SPOCK3: variants seen among roughly 807,000 people sequenced by gnomAD.
SPOCK3 encodes testican-3.
A neutral mutation model predicts 56.6 loss-of-function variants in SPOCK3; 30 were observed. That is an observed-to-expected ratio of 0.53 (90% confidence interval 0.40 to 0.72). The LOEUF is 0.72. Among genes scored for constraint, SPOCK3 ranks in the 30% least tolerant of loss-of-function variants. SPOCK3 has a pLI of 0.00. For missense variants in SPOCK3, 527 were observed against 530.0 expected (o/e 0.99, Z 0.06); for synonymous variants, 196 against 183.3 (o/e 1.07, Z -0.56).
chr4:166,824,218 A>G (rs2126771073), intron 6 of SPOCK3, among the ~76,000 whole-genome samples: 1 of 152,050 alleles, frequency 6.6e-6, no homozygotes, highest in African/African-American at 2.4e-5. Context: ...TTTGTTACTA[A>G]CTCTAGTGAC....
chr4:167,048,084 A>G (rs961639052), intron 3 of SPOCK3, among the ~76,000 whole-genome samples: 17 of 152,274 alleles, frequency 1.1e-4, no homozygotes, highest in African/African-American at 3.1e-4. Context: ...TGAGTTCCAT[A>G]TATGGTTTCC....
At chr4:166,803,365 T>G (rs555137273) in intron 6 of SPOCK3, among the ~76,000 whole-genome samples, 25 of 152,258 alleles carry the variant, frequency 1.6e-4, no homozygotes, top group Non-Finnish European at 3.4e-4. Context: ...TGTTCAGACA[T>G]TAGAGAGTAC....
chr4:166,953,552 A>G (rs1172063130), intron 4 of SPOCK3, among the ~76,000 whole-genome samples: 1 of 152,072 alleles, frequency 6.6e-6, no homozygotes, highest in East Asian at 1.9e-4. Flanking sequence ...CTAGAACTAG[A>G]AATACCATTT....
At chr4:167,087,091 G>A (rs985946745) in intron 2 of SPOCK3, among the ~76,000 whole-genome samples, 83 of 151,962 alleles carry the variant, frequency 5.5e-4, no homozygotes, top group African/African-American at 1.9e-3. Flanking sequence ...ATAATTTGTC[G>A]GCAAATAATT....
intron 5 of SPOCK3, among the ~76,000 whole-genome samples, chr4:166,898,151 A>T (rs761210945): frequency 6.6e-6 from 1 of 152,062 alleles, no homozygotes; most frequent in African/African-American, 2.4e-5. Flanking sequence ...GTGGCCTGTG[A>T]TTGTATCACT....
chr4:167,204,981 G>A (rs1410325205), intron 2 of SPOCK3, among the ~76,000 whole-genome samples: 1 of 147,100 alleles, frequency 6.8e-6, no homozygotes, highest in African/African-American at 2.5e-5. Context: ...GTTGGGGGTC[G>A]TGCACAGTAC....
At chr4:167,219,445 T>A (rs899448220) in intron 2 of SPOCK3, among the ~76,000 whole-genome samples, 2 of 152,204 alleles carry the variant, frequency 1.3e-5, no homozygotes, top group African/African-American at 4.8e-5. Context: ...TAACGGACTA[T>A]CAAATTACTA....
intron 6 of SPOCK3, among the ~76,000 whole-genome samples, chr4:166,804,096 T>A (rs1413474653): frequency 6.6e-6 from 1 of 152,212 alleles, no homozygotes; most frequent in Non-Finnish European, 1.5e-5. Flanking sequence ...TGTGACCTTT[T>A]GCTTGGTTTG....
intron 6 of SPOCK3, among the ~76,000 whole-genome samples, chr4:166,815,321 A>C (rs779625590): frequency 2.0e-5 from 3 of 152,076 alleles, no homozygotes; most frequent in Non-Finnish European, 4.4e-5. Context: ...AAAGTGAATA[A>C]AAAAATTATA....
chr4:166,855,872 A>G (rs1730594586), intron 6 of SPOCK3, among the ~76,000 whole-genome samples: 1 of 152,186 alleles, frequency 6.6e-6, no homozygotes. Flanking sequence ...TCTGGGGAAC[A>G]CATTTTGACA....
intron 4 of SPOCK3, among the ~76,000 whole-genome samples, chr4:166,954,862 C>T (rs1258339338): frequency 2.0e-5 from 3 of 152,182 alleles, no homozygotes; most frequent in African/African-American, 7.2e-5. Context: ...CTTTCTATCT[C>T]TGTAGATATG....
chr4:166,843,496 G>A (rs1747724310), intron 6 of SPOCK3, among the ~76,000 whole-genome samples: 1 of 152,096 alleles, frequency 6.6e-6, no homozygotes, highest in Non-Finnish European at 1.5e-5. Flanking sequence ...TAGAATTAAG[G>A]GACAAGATAC....
intron 6 of SPOCK3, among the ~76,000 whole-genome samples, chr4:166,809,161 CTAA>C (rs1451650906): frequency 6.6e-6 from 1 of 151,848 alleles, no homozygotes; most frequent in Non-Finnish European, 1.5e-5. Flanking sequence ...TATTAGAAAA[CTAA>C]TGTGCTCAAT....
intron 2 of SPOCK3, among the ~76,000 whole-genome samples, chr4:167,133,920 A>C (rs1425289680): frequency 6.6e-6 from 1 of 152,182 alleles, no homozygotes; most frequent in African/African-American, 2.4e-5. Context: ...GTTGTTCTTC[A>C]AAATAAGCAC....
At chr4:166,997,307 G>A (rs1748489338) in intron 4 of SPOCK3, among the ~76,000 whole-genome samples, 3 of 151,686 alleles carry the variant, frequency 2.0e-5, no homozygotes, top group South Asian at 2.1e-4. Context: ...CATGTATCCC[G>A]GAACTTAAAA....
At chr4:167,067,080 A>G (rs577568742) in intron 2 of SPOCK3, among the ~76,000 whole-genome samples, 26 of 151,990 alleles carry the variant, frequency 1.7e-4, no homozygotes, top group African/African-American at 6.3e-4. Context: ...ATACAGAATC[A>G]GTTGGGAATA....
chr4:166,937,057 T>A (rs1458247590), intron 4 of SPOCK3, among the ~76,000 whole-genome samples: 69 of 152,216 alleles, frequency 4.5e-4, no homozygotes, highest in Non-Finnish European at 8.2e-4. Context: ...TAGCTGAATT[T>A]CACTATGTGT....
At chr4:167,124,598 T>A (rs1392635607) in intron 2 of SPOCK3, among the ~76,000 whole-genome samples, 2 of 152,200 alleles carry the variant, frequency 1.3e-5, no homozygotes, top group Non-Finnish European at 2.9e-5. Flanking sequence ...CCATTTACCA[T>A]CGTCTCTCAT....
intron 6 of SPOCK3, among the ~76,000 whole-genome samples, chr4:166,811,089 T>G (rs1256212032): frequency 6.6e-6 from 1 of 151,932 alleles, no homozygotes; most frequent in African/African-American, 2.4e-5. Context: ...TATTATCCTC[T>G]TCTCTATAAA....
Sources: allele counts gnomAD v4.1 joint callset (sites outside exome capture counted in the v4.1 genomes callset), GRCh38; gene constraint gnomAD v4.1.1; transcripts MANE v1.5; gene names NCBI Gene and HGNC (gene_info 2026-07-23, HGNC 2026-07-21).